Variants in CHD1L observed in about 807,000 individuals in gnomAD.
The protein encoded by CHD1L is chromodomain helicase DNA binding protein 1 like, also known as ATP-dependent chromatin remodeler CHD1L.
In CHD1L, 118 loss-of-function variants were observed where a neutral mutation model predicts 115.9. That is an observed-to-expected ratio of 1.02 (90% CI 0.88 to 1.19). CHD1L has a LOEUF of 1.19. Among genes scored for constraint, CHD1L ranks in the 50% most tolerant of loss-of-function variants. The pLI is 0.00. For missense variants in CHD1L, 1,179 were observed against 1,065.3 expected (o/e 1.11, Z -1.49); for synonymous variants, 411 against 387.1 (o/e 1.06, Z -0.72).
Position 147,242,731 on chromosome 1 carries a change from G to A in CHD1L, c.28G>A (p.Gly10Arg), listed in dbSNP as rs781885928. 1 of 1,259,510 alleles carries A rather than the reference G, an allele frequency of 7.9e-7. No individual in the cohort carries two copies. Among genetic ancestry groups the A allele is most frequent in the South Asian group, 3.9e-5 (1 of 25,632 alleles). The allele number at this position is 1,259,510 out of a possible 1,614,324, so 78.0% of individuals were successfully genotyped here. ...GGAGCGCGCGGGCGCTACTAGCCGCGGGGGCCAAGCCCCTGGCTTCTTACT... is the reference window on the plus strand; with the variant it reads ...GGAGCGCGCGGGCGCTACTAGCCGCAGGGGCCAAGCCCCTGGCTTCTTACT... MERAGATSR[G>R]GQAPGFLLRL... The change falls in exon 1 of 23, where the codon GGG becomes AGG. Residue 10 changes from glycine to arginine, a missense_variant. Physicochemically the swap from Gly to Arg is moderately radical, Grantham distance 125. Coordinates refer to ENST00000369258, the MANE Select transcript of CHD1L (RefSeq NM_004284.6).
chr1:147,191,987 G>A, the CHD1L span, among the ~76,000 whole-genome samples: 2 of 152,002 alleles, frequency 1.3e-5, no homozygotes, highest in South Asian at 2.1e-4. Context: ...TTGACTTGGT[G>A]ATGCGGGCTC....
At chr1:147,203,576 G>T in the CHD1L span, 1 of 1,027,178 alleles carries the variant, frequency 9.7e-7, no homozygotes, top group Non-Finnish European at 1.6e-6. Flanking sequence ...GAGTATTTCT[G>T]CCAGTGCACG....
intron 1 of CHD1L, among the ~76,000 whole-genome samples, chr1:147,247,563 A>G (rs587706934): frequency 6.6e-6 from 1 of 152,298 alleles, no homozygotes; most frequent in South Asian, 2.1e-4. Context: ...TGTTGGTGCC[A>G]TGCTTCTTGT....
chr1:147,268,531 G>A (rs905802798), intron 9 of CHD1L, among the ~76,000 whole-genome samples: 39 of 152,318 alleles, frequency 2.6e-4, no homozygotes, highest in East Asian at 9.6e-4. Context: ...CTCGATTTCA[G>A]TTTTGGGTCT....
At chr1:147,287,144 G>A (rs924004320) in intron 18 of CHD1L, among the ~76,000 whole-genome samples, 3 of 152,332 alleles carry the variant, frequency 2.0e-5, no homozygotes, top group South Asian at 2.1e-4. Flanking sequence ...TGCCTAGAAC[G>A]ATGCCTTACG....
At chr1:147,291,192 C>G (rs1559905788) in intron 19 of CHD1L, among the ~76,000 whole-genome samples, 1 of 152,176 alleles carries the variant, frequency 6.6e-6, no homozygotes, top group Non-Finnish European at 1.5e-5. Flanking sequence ...AGTGCTCCCT[C>G]CCCAAAGCCC....
chr1:147,278,226 T>TTTTTG (rs1379721599), intron 14 of CHD1L, among the ~76,000 whole-genome samples: 6 of 131,220 alleles, frequency 4.6e-5, no homozygotes, highest in African/African-American at 1.4e-4. Context: ...TTTTGGGTTT[T>TTTTTG]TTTTTTTTTT....
At chr1:147,193,843 C>G in the CHD1L span, among the ~76,000 whole-genome samples, 2 of 152,072 alleles carry the variant, frequency 1.3e-5, no homozygotes, top group African/African-American at 4.8e-5. Context: ...GTCCTGAGTT[C>G]TAGTTTCATT....
At chr1:147,228,491 G>A in the CHD1L span, among the ~76,000 whole-genome samples, 3 of 152,170 alleles carry the variant, frequency 2.0e-5, no homozygotes, top group African/African-American at 7.2e-5. Context: ...TGTCTTCATA[G>A]CAGCATGATT....
intron 6 of CHD1L, among the ~76,000 whole-genome samples, chr1:147,263,119 A>G (rs782444162): frequency 2.6e-4 from 39 of 152,236 alleles, no homozygotes; most frequent in South Asian, 1.5e-3. Flanking sequence ...ATATACGTTT[A>G]CATACTATGT....
In CHD1L at chr1:147,293,299, A is replaced by T. The variant is rs782561549; in HGVS notation, c.2392-309A>T. ...AAGATCTTTTCCATGCCTACAATTCAGAAAAATTCTCTTTTTTTTTTTAAC... is the reference window on the plus strand; with the variant it reads ...AAGATCTTTTCCATGCCTACAATTCTGAAAAATTCTCTTTTTTTTTTTAAC... On this transcript the variant is annotated intron_variant, in intron 20 of 22. Transcript: ENST00000369258. Among the ~76,000 whole-genome samples, 3 of 121,158 alleles carry T rather than the reference A, an allele frequency of 2.5e-5. No homozygotes were observed. The South Asian group carries it at 8.5e-4, about 34-fold the overall frequency. The allele number at this position is 121,158 out of a possible 152,430, so 79.5% of individuals were successfully genotyped here.
the CHD1L span, among the ~76,000 whole-genome samples, chr1:147,195,528 C>T: frequency 6.6e-6 from 1 of 152,012 alleles, no homozygotes; most frequent in African/African-American, 2.4e-5. Context: ...GGGTTAAGGC[C>T]AAGGGGAACT....
chr1:147,256,619 T>G, intron 5 of CHD1L, 57 bp downstream of exon 5: 1 of 1,529,210 alleles, frequency 6.5e-7, no homozygotes, highest in East Asian at 2.3e-5. Context: ...ATGTCATGTC[T>G]TTCCTTCACG....
At chr1:147,292,482 C>T (rs10900335) in intron 20 of CHD1L, among the ~76,000 whole-genome samples, 6,071 of 152,260 alleles carry the variant, frequency 0.04, 135 homozygotes, top group African/African-American at 0.057. Context: ...AAAAGAGAGG[C>T]TCATCCTTTT....
the CHD1L span, chr1:147,212,544 G>A: frequency 1.9e-6 from 3 of 1,608,850 alleles, no homozygotes; most frequent in African/African-American, 2.7e-5. Flanking sequence ...TCCTGCAAGA[G>A]AAGGGAAAAT....
At chr1:147,275,310 C>T (rs782263758) in intron 12 of CHD1L, 44 bp from the exon 13 acceptor site, 14 of 1,429,514 alleles carry the variant, frequency 9.8e-6, no homozygotes, top group East Asian at 4.5e-5. Flanking sequence ...TCTAGCTCCT[C>T]GTCTTTGTGC....
At chr1:147,211,185 G>T in the CHD1L span, 1 of 152,138 alleles carries the variant, frequency 6.6e-6, no homozygotes, top group African/African-American at 2.4e-5. Context: ...GAAATGCTTT[G>T]TTATGTGGCA....
At chr1:147,213,015 C>A in the CHD1L span, among the ~76,000 whole-genome samples, 2 of 151,980 alleles carry the variant, frequency 1.3e-5, no homozygotes, top group East Asian at 3.9e-4. Context: ...ATTCCTTATT[C>A]TACCTAATGC....
At chr1:147,247,793 A>G (rs1667085592) in intron 1 of CHD1L, among the ~76,000 whole-genome samples, 1 of 152,136 alleles carries the variant, frequency 6.6e-6, no homozygotes. Flanking sequence ...CAGCATCCAG[A>G]GGCTGCCCAC....
Sources: allele counts gnomAD v4.1 joint callset (sites outside exome capture counted in the v4.1 genomes callset), GRCh38; gene constraint gnomAD v4.1.1; transcripts MANE v1.5; gene names NCBI Gene and HGNC (gene_info 2026-07-23, HGNC 2026-07-21).